Variants in CIMAP3 observed in about 807,000 individuals in gnomAD.
CIMAP3 encodes the protein ciliary microtubule-associated protein 3.
At chr1:111,341,542 C>T in the CIMAP3 span, among the ~76,000 whole-genome samples, 13 of 152,058 alleles carry the variant, frequency 8.5e-5, no homozygotes, top group Non-Finnish European at 1.8e-4. Flanking sequence ...CGCAAGTCAC[C>T]GTCTCCCTGA....
chr1:111,346,521 G>A, the CIMAP3 span: 4 of 1,439,462 alleles, frequency 2.8e-6, no homozygotes, highest in Non-Finnish European at 3.8e-6. Flanking sequence ...GTGGCTCGGT[G>A]GACGCCCCAA....
chr1:111,349,894 G>A, the CIMAP3 span: 7 of 502,086 alleles, frequency 1.4e-5, no homozygotes, highest in Non-Finnish European at 2.5e-5. Flanking sequence ...TGCTCTAACT[G>A]GATGTCAAGA....
At chr1:111,333,676 G>A in the CIMAP3 span, among the ~76,000 whole-genome samples, 1 of 152,308 alleles carries the variant, frequency 6.6e-6, no homozygotes, top group South Asian at 2.1e-4. Flanking sequence ...GGCTGCAGAG[G>A]AAAGGTGTCT....
At chr1:111,330,780 C>G in the CIMAP3 span, among the ~76,000 whole-genome samples, 1 of 152,124 alleles carries the variant, frequency 6.6e-6, no homozygotes, top group African/African-American at 2.4e-5. Flanking sequence ...CCTGGGGGCT[C>G]CACCCCAAAG....
At chr1:111,347,240 C>T in the CIMAP3 span, among the ~76,000 whole-genome samples, 7 of 152,164 alleles carry the variant, frequency 4.6e-5, no homozygotes, top group Non-Finnish European at 8.8e-5. Flanking sequence ...TATTGCTCCC[C>T]GCCTTGCACC....
the CIMAP3 span, among the ~76,000 whole-genome samples, chr1:111,335,391 G>A: frequency 3.9e-5 from 6 of 152,248 alleles, no homozygotes; most frequent in South Asian, 2.1e-4. Context: ...CTGAAGCAGG[G>A]CAAGGCATTG....
chr1:111,346,631 G>C, the CIMAP3 span: 1 of 1,614,176 alleles, frequency 6.2e-7, no homozygotes, highest in Non-Finnish European at 8.5e-7. Flanking sequence ...CAGTACACAA[G>C]TGCTAGCCCT....
At chr1:111,329,943 T>G in the CIMAP3 span, among the ~76,000 whole-genome samples, 1 of 152,214 alleles carries the variant, frequency 6.6e-6, no homozygotes. Flanking sequence ...GAACCAGTAT[T>G]CAAATTCTGA....
the CIMAP3 span, chr1:111,346,578 G>T: frequency 2.5e-6 from 4 of 1,604,340 alleles, no homozygotes; most frequent in Non-Finnish European, 3.4e-6. Context: ...CCCGCGCTCC[G>T]CAGCTGGGAA....
At chr1:111,333,533 G>A in the CIMAP3 span, among the ~76,000 whole-genome samples, 1 of 152,172 alleles carries the variant, frequency 6.6e-6, no homozygotes, top group Non-Finnish European at 1.5e-5. Context: ...GGGCTCATGA[G>A]GACTGTGGTA....
At chr1:111,347,029 C>T in the CIMAP3 span, 1 of 1,613,022 alleles carries the variant, frequency 6.2e-7, no homozygotes, top group South Asian at 1.1e-5. Flanking sequence ...CCACAGAGGG[C>T]CTGGGTGTTA....
chr1:111,352,854 T>C, the CIMAP3 span: 2 of 152,196 alleles, frequency 1.3e-5, no homozygotes, highest in Non-Finnish European at 2.9e-5. Context: ...TCACACTGTT[T>C]GGTACAGAGA....
chr1:111,344,887 C>T, the CIMAP3 span, among the ~76,000 whole-genome samples: 4 of 152,006 alleles, frequency 2.6e-5, no homozygotes, highest in Non-Finnish European at 5.9e-5. Flanking sequence ...ATGGAGCAGC[C>T]CTATACAGGT....
At chr1:111,335,506 G>A in the CIMAP3 span, among the ~76,000 whole-genome samples, 10 of 152,228 alleles carry the variant, frequency 6.6e-5, no homozygotes, top group African/African-American at 2.2e-4. Flanking sequence ...CAAGTACTGT[G>A]CTTTTCCGAT....
the CIMAP3 span, chr1:111,349,905 T>C: frequency 9.7e-6 from 5 of 514,174 alleles, no homozygotes; most frequent in Non-Finnish European, 1.4e-5. Context: ...GATGTCAAGA[T>C]TGTCAAGTTA....
At chr1:111,327,382 G>A in the CIMAP3 span, among the ~76,000 whole-genome samples, 2 of 152,222 alleles carry the variant, frequency 1.3e-5, no homozygotes, top group South Asian at 2.1e-4. Context: ...ATGGGTTGGG[G>A]AGGAGTCCCT....
the CIMAP3 span, among the ~76,000 whole-genome samples, chr1:111,343,813 G>A: frequency 6.6e-6 from 1 of 152,346 alleles, no homozygotes. Context: ...AACAGAGATT[G>A]ATGGGAAATT....
chr1:111,350,090 G>T, the CIMAP3 span: 1 of 1,590,352 alleles, frequency 6.3e-7, no homozygotes, highest in Non-Finnish European at 8.6e-7. Context: ...CATGATGCTT[G>T]TATTTTTATT....
the CIMAP3 span, among the ~76,000 whole-genome samples, chr1:111,344,801 A>G: frequency 6.6e-6 from 1 of 152,244 alleles, no homozygotes; most frequent in Non-Finnish European, 1.5e-5. Flanking sequence ...ATCCATACCA[A>G]TACAGTCATA....
Sources: gnomAD v4.1 joint callset for allele counts (sites outside exome capture counted in the v4.1 genomes callset) on GRCh38, gnomAD v4.1.1 for gene constraint, MANE v1.5 for transcripts, NCBI Gene and HGNC (gene_info 2026-07-23, HGNC 2026-07-21) for gene names.